Variants in INPP4B observed in about 807,000 individuals in gnomAD.
INPP4B encodes the protein inositol polyphosphate 4-phosphatase type II.
In INPP4B, 55 loss-of-function variants were observed where a neutral mutation model predicts 122.5. That is an observed-to-expected ratio of 0.45 (90% CI 0.36 to 0.56). The LOEUF (loss-of-function observed/expected upper bound fraction) is 0.56. INPP4B is among the 20% of genes least tolerant of loss of function. The pLI is 0.00. For missense variants in INPP4B, 1,000 were observed against 1,097.7 expected (o/e 0.91, Z 1.26); for synonymous variants, 403 against 388.7 (o/e 1.04, Z -0.43).
At chr4:142,060,077 G>A (rs1759767669) in intron 25 of INPP4B, among the ~76,000 whole-genome samples, 1 of 152,032 alleles carries the variant, frequency 6.6e-6, no homozygotes, top group Admixed American at 6.6e-5. Context: ...ACTGATTTTT[G>A]GTTTTGCACC....
At chr4:142,794,117 A>AAT (rs1200226745) in intron 1 of INPP4B, among the ~76,000 whole-genome samples, 1 of 152,038 alleles carries the variant, frequency 6.6e-6, no homozygotes, top group African/African-American at 2.4e-5. Context: ...GTATCTATCT[A>AAT]TCACAAGCTA....
In INPP4B at chr4:142,550,696, C is replaced by T. The variant is rs968851201; in HGVS notation, c.-190-87970G>A. Among the ~76,000 whole-genome samples the T allele has an allele frequency of 2.0e-5, 3 of 151,314 alleles. No individual in the cohort carries two copies. In the East Asian group the frequency reaches 5.8e-4, roughly 29 times the overall value. ...GTACCTTTGAAGTGTTCATTCAATT[C>T]AAACAATTACTGAGGCCCTGCAAAG... On this transcript the variant is annotated intron_variant, in intron 2 of 25. Coordinates refer to ENST00000262992, the MANE Select transcript of INPP4B (RefSeq NM_001101669.3).
At chr4:142,834,155 C>T (rs1256392588) in intron 1 of INPP4B, among the ~76,000 whole-genome samples, 1 of 151,958 alleles carries the variant, frequency 6.6e-6, no homozygotes, top group Non-Finnish European at 1.5e-5. Context: ...TGTGGTTTTA[C>T]TGTAAGCCAT....
At chr4:142,712,157 C>A (rs1051460888) in intron 2 of INPP4B, among the ~76,000 whole-genome samples, 16 of 152,192 alleles carry the variant, frequency 1.1e-4, no homozygotes, top group African/African-American at 3.9e-4. Context: ...TCACCAGACA[C>A]CAAATCTGCT....
rs552645964 is a variant in INPP4B, at chr4:142,805,348, A to T, written c.-254+40861T>A. Among the ~76,000 whole-genome samples, 8 of 152,362 alleles carry T rather than the reference A, an allele frequency of 5.3e-5. No individual in the cohort carries two copies. The South Asian group carries it at 1.7e-3, about 32-fold the overall frequency. On this transcript the variant is annotated intron_variant, in intron 1 of 25. Coordinates refer to ENST00000262992, the MANE Select transcript of INPP4B (RefSeq NM_001101669.3). ...GGGAGTCAATTATAAGTAGAAAGAC[A>T]TAATAAATAGAAAAAGAATGGATGG...
intron 3 of INPP4B, among the ~76,000 whole-genome samples, chr4:142,447,011 G>GA (rs1029756271): frequency 1.3e-5 from 2 of 151,964 alleles, no homozygotes; most frequent in East Asian, 1.9e-4. Flanking sequence ...CGGGTAATAG[G>GA]AAAAAAAGTT....
chr4:142,592,991 C>T (rs1253450703), intron 2 of INPP4B, among the ~76,000 whole-genome samples: 1 of 151,842 alleles, frequency 6.6e-6, no homozygotes, highest in African/African-American at 2.4e-5. Context: ...GTTCTCTCAG[C>T]TACTCAGGAG....
chr4:142,391,236 G>T (rs1413113608), intron 7 of INPP4B, among the ~76,000 whole-genome samples: 1 of 152,132 alleles, frequency 6.6e-6, no homozygotes, highest in African/African-American at 2.4e-5. Flanking sequence ...AGAAACAACT[G>T]GTATTCAAGA....
At chr4:142,506,990 A>C (rs1184091416) in intron 2 of INPP4B, among the ~76,000 whole-genome samples, 2 of 152,184 alleles carry the variant, frequency 1.3e-5, no homozygotes, top group African/African-American at 4.8e-5. Context: ...TACTTCTCCC[A>C]TCTGCTGTGG....
chr4:142,397,682 C>CA (rs1434375900), intron 7 of INPP4B, among the ~76,000 whole-genome samples: 2 of 151,328 alleles, frequency 1.3e-5, no homozygotes, highest in African/African-American at 2.4e-5. Flanking sequence ...TACTAAAATA[C>CA]AAAAAAATTA....
chr4:142,247,416 C>A (rs1038353169), intron 11 of INPP4B, among the ~76,000 whole-genome samples: 5 of 152,224 alleles, frequency 3.3e-5, no homozygotes, highest in Admixed American at 3.3e-4. Flanking sequence ...ATGAATCAGA[C>A]TGATCCTGGT....
At chr4:142,126,216 T>A (rs775244925) in intron 18 of INPP4B, among the ~76,000 whole-genome samples, 1 of 152,146 alleles carries the variant, frequency 6.6e-6, no homozygotes, top group Non-Finnish European at 1.5e-5. Flanking sequence ...TTGATATGAA[T>A]GAGTGCATGC....
intron 7 of INPP4B, among the ~76,000 whole-genome samples, chr4:142,379,002 T>C (rs1168738490): frequency 6.6e-6 from 1 of 152,162 alleles, no homozygotes; most frequent in Non-Finnish European, 1.5e-5. Flanking sequence ...GTGAGTTAGC[T>C]CTTGTTATTC....
In INPP4B at chr4:142,441,495, C is replaced by T. The variant is rs182642428; in HGVS notation, c.-126-10110G>A. Among the ~76,000 whole-genome samples, 5 of 152,120 alleles carry T rather than the reference C, an allele frequency of 3.3e-5. No homozygotes were observed. In the East Asian group the frequency reaches 9.7e-4, roughly 30 times the overall value. Reference sequence around the variant, plus strand: ...GTTTTACTCATGTTGTTCTGAGGTGCCTTAGAAACACACATGGGTCTAAAT... The same window carrying T: ...GTTTTACTCATGTTGTTCTGAGGTGTCTTAGAAACACACATGGGTCTAAAT... On this transcript the variant is annotated intron_variant, in intron 3 of 25. Transcript: ENST00000262992.
At chr4:142,056,131 T>C (rs967084040) in intron 25 of INPP4B, among the ~76,000 whole-genome samples, 1 of 151,710 alleles carries the variant, frequency 6.6e-6, no homozygotes, top group Non-Finnish European at 1.5e-5. Context: ...AGAGCTCAGA[T>C]TGTGGCTGTA....
intron 2 of INPP4B, among the ~76,000 whole-genome samples, chr4:142,608,758 A>G (rs1741857191): frequency 6.6e-6 from 1 of 152,164 alleles, no homozygotes; most frequent in African/African-American, 2.4e-5. Flanking sequence ...GCTGCCTTTG[A>G]CAACTGCATG....
At chr4:142,082,240 T>A (rs917919465) in intron 24 of INPP4B, 55 bp from the exon 25 acceptor site, 115 of 1,407,096 alleles carry the variant, frequency 8.2e-5, no homozygotes, top group Non-Finnish European at 1.0e-4. Flanking sequence ...CCGTAAAGTG[T>A]CGGCCTCCTC....
At chr4:142,175,782 C>G (rs1827863137) in intron 15 of INPP4B, among the ~76,000 whole-genome samples, 1 of 152,048 alleles carries the variant, frequency 6.6e-6, no homozygotes, top group Admixed American at 6.6e-5. Flanking sequence ...AAAGTTTAAT[C>G]CGTAACAGAC....
intron 3 of INPP4B, among the ~76,000 whole-genome samples, chr4:142,456,407 G>C (rs549927835): frequency 6.6e-6 from 1 of 152,038 alleles, no homozygotes; most frequent in South Asian, 2.1e-4. Context: ...GTATGTTCTT[G>C]ACAATTTTGT....
Sources: gnomAD v4.1 joint callset for allele counts (sites outside exome capture counted in the v4.1 genomes callset) on GRCh38, gnomAD v4.1.1 for gene constraint, MANE v1.5 for transcripts, NCBI Gene and HGNC (gene_info 2026-07-23, HGNC 2026-07-21) for gene names.